CLIC5: variants seen among roughly 807,000 people sequenced by gnomAD.
The protein encoded by CLIC5 is CLIC family member 5, also known as chloride intracellular channel protein 5.
CLIC5 carries 20 observed loss-of-function variants against 24.7 expected under a neutral mutation model. That is an observed-to-expected ratio of 0.81 (90% confidence interval 0.57 to 1.18). The LOEUF is 1.18. Among genes scored for constraint, CLIC5 ranks in the 50% most tolerant of loss-of-function variants. CLIC5 has a pLI of 0.00. For missense variants in CLIC5, 341 were observed against 326.1 expected, an observed-to-expected ratio of 1.05 and a Z score of -0.35; for synonymous variants, 159 against 135.6, an observed-to-expected ratio of 1.17 and a Z score of -1.20.
At chr6:45,891,173 ACATTG>A (rs1425005753) in intron 6 of CLIC5, among the ~76,000 whole-genome samples, 1 of 152,224 alleles carries the variant, frequency 6.6e-6, no homozygotes, top group Non-Finnish European at 1.5e-5. Context: ...TCAAAACATA[ACATTG>A]CATTCCATAA....
chr6:45,982,097 GA>G (rs1765588499), intron 1 of CLIC5, among the ~76,000 whole-genome samples: 1 of 152,166 alleles, frequency 6.6e-6, no homozygotes, highest in Non-Finnish European at 1.5e-5. Context: ...GACAATATGA[GA>G]AACGGGAAAT....
chr6:46,044,235 T>C (rs1399719778), intron 1 of CLIC5, among the ~76,000 whole-genome samples: 1 of 152,172 alleles, frequency 6.6e-6, no homozygotes, highest in Non-Finnish European at 1.5e-5. Context: ...CAGTTGAGGC[T>C]TTTTGACTAA....
intron 1 of CLIC5, among the ~76,000 whole-genome samples, chr6:45,981,489 C>A (rs183257370): frequency 1.4e-4 from 21 of 152,260 alleles, no homozygotes; most frequent in African/African-American, 3.6e-4. Flanking sequence ...TTGCAGTGGG[C>A]AAATCTGATT....
chr6:46,070,778 A>G (rs1049555528), intron 1 of CLIC5, among the ~76,000 whole-genome samples: 1 of 152,186 alleles, frequency 6.6e-6, no homozygotes, highest in African/African-American at 2.4e-5. Context: ...AGGCAACCCT[A>G]AGCAAAAAGA....
intron 5 of CLIC5, among the ~76,000 whole-genome samples, chr6:45,904,684 C>T (rs1350111124): frequency 6.9e-6 from 1 of 145,698 alleles, no homozygotes; most frequent in Non-Finnish European, 1.5e-5. Context: ...TTCCTTCCTT[C>T]CTTCCATCCT....
At chr6:46,010,296 C>T (rs113024393) in intron 1 of CLIC5, among the ~76,000 whole-genome samples, 24 of 152,230 alleles carry the variant, frequency 1.6e-4, no homozygotes, top group African/African-American at 5.5e-4. Flanking sequence ...TACTAATAGG[C>T]CAGATCCATA....
At chr6:46,113,040 A>T in the CLIC5 span, among the ~76,000 whole-genome samples, 4 of 152,112 alleles carry the variant, frequency 2.6e-5, no homozygotes, top group Non-Finnish European at 4.4e-5. Context: ...TGGGTGACAG[A>T]GCGAGAATCT....
chr6:45,924,295 T>A (rs1763389262), intron 4 of CLIC5, among the ~76,000 whole-genome samples: 2 of 152,012 alleles, frequency 1.3e-5, no homozygotes, highest in African/African-American at 4.8e-5. Flanking sequence ...ATAACAGATG[T>A]GAAATGGGGC....
chr6:45,915,301 A>G (rs1053668534), intron 4 of CLIC5, among the ~76,000 whole-genome samples: 1 of 152,128 alleles, frequency 6.6e-6, no homozygotes, highest in African/African-American at 2.4e-5. Flanking sequence ...TACATATTAC[A>G]TTTTTAGGAA....
At chr6:45,881,829 T>C (rs1173257823) in intron 6 of CLIC5, among the ~76,000 whole-genome samples, 1 of 152,180 alleles carries the variant, frequency 6.6e-6, no homozygotes. Context: ...CAGAAGGTTG[T>C]GTTTGGCCAA....
chr6:46,121,603 G>A, the CLIC5 span, among the ~76,000 whole-genome samples: 1 of 152,160 alleles, frequency 6.6e-6, no homozygotes, highest in Non-Finnish European at 1.5e-5. Context: ...AATGTAAATG[G>A]AATAAATGCT....
At chr6:45,974,082 A>C (rs1765294650) in intron 1 of CLIC5, among the ~76,000 whole-genome samples, 1 of 152,160 alleles carries the variant, frequency 6.6e-6, no homozygotes, top group Non-Finnish European at 1.5e-5. Flanking sequence ...AGTAATAAGA[A>C]CAGTGTGATC....
At chr6:46,092,629 C>A in the CLIC5 span, among the ~76,000 whole-genome samples, 1 of 108,294 alleles carries the variant, frequency 9.2e-6, no homozygotes, top group African/African-American at 3.2e-5. Flanking sequence ...AGAATTATTC[C>A]CTTTTGTGTG....
chr6:46,043,862 A>C (rs539543833), intron 1 of CLIC5, among the ~76,000 whole-genome samples: 3 of 152,230 alleles, frequency 2.0e-5, no homozygotes, highest in Non-Finnish European at 4.4e-5. Context: ...TGCAGAGGGC[A>C]GCAGAGTTTA....
chr6:45,929,895 C>T (rs922786411), intron 4 of CLIC5, among the ~76,000 whole-genome samples: 2 of 152,226 alleles, frequency 1.3e-5, no homozygotes, highest in East Asian at 3.9e-4. Flanking sequence ...TCTCATCAGG[C>T]CTGTGGCAGA....
At chr6:46,013,624 C>A (rs548961222) in intron 1 of CLIC5, among the ~76,000 whole-genome samples, 7 of 152,140 alleles carry the variant, frequency 4.6e-5, no homozygotes, top group African/African-American at 1.7e-4. Flanking sequence ...ATTTGGGGAA[C>A]GCTGCAAATT....
At chr6:46,017,961 G>A (rs1245766970), upstream of CLIC5, among the ~76,000 whole-genome samples, 1 of 152,154 alleles carries the variant, frequency 6.6e-6, no homozygotes. Flanking sequence ...ACTTAATCAA[G>A]GTGATGTTTA....
intron 4 of CLIC5, among the ~76,000 whole-genome samples, chr6:45,932,108 G>A (rs1763760453): frequency 6.6e-6 from 1 of 152,088 alleles, no homozygotes; most frequent in African/African-American, 2.4e-5. Context: ...TAATTTTAAA[G>A]TTTCTTTTCT....
intron 1 of CLIC5, among the ~76,000 whole-genome samples, chr6:46,023,222 T>C (rs955529030): frequency 2.0e-5 from 3 of 152,184 alleles, no homozygotes; most frequent in African/African-American, 7.2e-5. Context: ...TACATCATAA[T>C]AATAATAGTT....
Sources: gnomAD v4.1 joint callset for allele counts (sites outside exome capture counted in the v4.1 genomes callset) on GRCh38, gnomAD v4.1.1 for gene constraint, MANE v1.5 for transcripts, NCBI Gene and HGNC (gene_info 2026-07-23, HGNC 2026-07-21) for gene names.